PLCL1: variants seen among roughly 807,000 people sequenced by gnomAD.
PLCL1 encodes phospholipase C like 1 (inactive).
Under a neutral mutation model 84.4 loss-of-function variants are expected in PLCL1, and 41 were observed. That is an observed-to-expected ratio of 0.49 (90% CI 0.38 to 0.63). PLCL1 has a LOEUF of 0.63. Among genes scored for constraint, PLCL1 ranks in the 30% least tolerant of loss-of-function variants. PLCL1 has a pLI of 0.00. For missense variants in PLCL1, 1,206 were observed against 1,367.8 expected (o/e 0.88, Z 1.87); for synonymous variants, 490 against 488.3 (o/e 1.00, Z -0.05).
At chr2:198,123,867 A>G (rs1400495048) in intron 5 of PLCL1, among the ~76,000 whole-genome samples, 1 of 152,058 alleles carries the variant, frequency 6.6e-6, no homozygotes, top group African/African-American at 2.4e-5. Flanking sequence ...GAGGTGGAAC[A>G]GTTTCATCCT....
At chr2:197,818,344 A>G (rs1467076776) in intron 1 of PLCL1, among the ~76,000 whole-genome samples, 1 of 151,870 alleles carries the variant, frequency 6.6e-6, no homozygotes, top group Admixed American at 6.6e-5. Flanking sequence ...TACCTTCACT[A>G]TTTCTTTTGC....
At chr2:198,020,518 C>G (rs1691106647) in intron 1 of PLCL1, among the ~76,000 whole-genome samples, 1 of 149,028 alleles carries the variant, frequency 6.7e-6, no homozygotes, top group Admixed American at 6.7e-5. Context: ...ACACACATGG[C>G]TCAAAATAAA....
chr2:197,901,673 C>A (rs1264961391), intron 1 of PLCL1, among the ~76,000 whole-genome samples: 3 of 152,126 alleles, frequency 2.0e-5, no homozygotes, highest in Non-Finnish European at 4.4e-5. Flanking sequence ...AGATTCAGAG[C>A]AATTTGAAGT....
chr2:197,939,040 T>G (rs1689101471), intron 1 of PLCL1, among the ~76,000 whole-genome samples: 1 of 152,140 alleles, frequency 6.6e-6, no homozygotes, highest in Non-Finnish European at 1.5e-5. Flanking sequence ...TAACATACCT[T>G]CCATTAATGG....
intron 1 of PLCL1, among the ~76,000 whole-genome samples, chr2:197,997,690 T>A (rs1226882282): frequency 6.6e-6 from 1 of 152,122 alleles, no homozygotes; most frequent in Admixed American, 6.5e-5. Context: ...AAGTGATGCA[T>A]TATAGGTCTG....
intron 1 of PLCL1, among the ~76,000 whole-genome samples, chr2:198,003,266 G>T (rs1299662215): frequency 6.6e-6 from 1 of 152,092 alleles, no homozygotes; most frequent in Non-Finnish European, 1.5e-5. Flanking sequence ...AAAACAAGGG[G>T]CACTTCTTGC....
At chr2:198,043,877 T>C (rs1691724657) in intron 1 of PLCL1, among the ~76,000 whole-genome samples, 1 of 128,706 alleles carries the variant, frequency 7.8e-6, no homozygotes, top group Non-Finnish European at 1.7e-5. Flanking sequence ...ATTTAATTCT[T>C]GTTCTTTTTT....
rs1468117529 is a variant in PLCL1, at chr2:197,887,195, A to C, written c.240+81856A>C. 2.6e-5 allele frequency among the ~76,000 whole-genome samples: 4 copies of C among 152,134 alleles called. No individual in the cohort carries two copies. In the East Asian group the frequency reaches 7.7e-4, roughly 29 times the overall value. On this transcript the variant is annotated intron_variant, in intron 1 of 5. Coordinates refer to ENST00000428675, the MANE Select transcript of PLCL1 (RefSeq NM_006226.4). ...TCTCCATGTATATTTTTCATAGGCAAATGAGGAGTAAACTACAATATATTC... is the reference window on the plus strand; with the variant it reads ...TCTCCATGTATATTTTTCATAGGCACATGAGGAGTAAACTACAATATATTC...
At chr2:197,852,532 C>T (rs907886215) in intron 1 of PLCL1, among the ~76,000 whole-genome samples, 3 of 152,176 alleles carry the variant, frequency 2.0e-5, no homozygotes, top group Non-Finnish European at 4.4e-5. Flanking sequence ...GTGTAACTAT[C>T]TTTTACTATT....
intron 3 of PLCL1, among the ~76,000 whole-genome samples, chr2:198,091,624 G>A (rs1462929938): frequency 6.6e-6 from 1 of 151,594 alleles, no homozygotes; most frequent in Non-Finnish European, 1.5e-5. Flanking sequence ...AGGTTGCAGT[G>A]AGCCGAGACT....
intron 1 of PLCL1, among the ~76,000 whole-genome samples, chr2:197,944,427 C>T (rs1044764986): frequency 6.6e-6 from 1 of 152,110 alleles, no homozygotes; most frequent in Admixed American, 6.6e-5. Context: ...TCCTATGGCT[C>T]ACATTCTCTG....
At chr2:198,098,835 C>G (rs545895161) in intron 3 of PLCL1, among the ~76,000 whole-genome samples, 1 of 152,226 alleles carries the variant, frequency 6.6e-6, no homozygotes, top group African/African-American at 2.4e-5. Context: ...ACAATTTAAT[C>G]CATCTTTGAG....
At chr2:198,017,532 G>A (rs1304163492) in intron 1 of PLCL1, among the ~76,000 whole-genome samples, 4 of 152,164 alleles carry the variant, frequency 2.6e-5, no homozygotes, top group African/African-American at 4.8e-5. Context: ...TGTTCTCTTT[G>A]TATGTCTTAA....
intron 5 of PLCL1, among the ~76,000 whole-genome samples, chr2:198,131,579 G>A (rs940062246): frequency 6.6e-6 from 1 of 152,132 alleles, no homozygotes; most frequent in Non-Finnish European, 1.5e-5. Flanking sequence ...ACAGGAGTTA[G>A]GGACATTTCC....
intron 1 of PLCL1, among the ~76,000 whole-genome samples, chr2:197,901,889 G>T (rs1332935012): frequency 1.3e-5 from 2 of 152,108 alleles, no homozygotes. Context: ...GACTCCAAGT[G>T]TTCTTTCTTG....
rs1227382491 is a variant in PLCL1 at position 198,002,257 on chromosome 2, TTTGGCTTTTATGAATAG to T, written c.241-81499_241-81483del. Among the ~76,000 whole-genome samples the T allele has an allele frequency of 3.2e-4, 49 of 152,278 alleles. 1 individual carries two copies. The highest frequency in any genetic ancestry group is 1.6e-3 in the Admixed American group (24 of 15,296). ...ATGGGCTTGTGGGTTGTTTCTAATT[TTTGGCTTTTATGAATAG>T]TGCTGCCATGAACATTCTTACATGT... On this transcript the variant is annotated intron_variant, in intron 1 of 5. Transcript: ENST00000428675.
At chr2:198,081,659 A>G (rs918869174) in intron 1 of PLCL1, among the ~76,000 whole-genome samples, 3 of 152,236 alleles carry the variant, frequency 2.0e-5, no homozygotes, top group Non-Finnish European at 4.4e-5. Flanking sequence ...AAATTGGGTA[A>G]TTTATATCAT....
intron 1 of PLCL1, among the ~76,000 whole-genome samples, chr2:197,918,944 C>G: frequency 7.7e-6 from 1 of 130,632 alleles, no homozygotes; most frequent in Middle Eastern, 3.5e-3. Context: ...CTGTCTCTCT[C>G]TCTCTCTCTC....
intron 3 of PLCL1, among the ~76,000 whole-genome samples, chr2:198,098,894 A>ATT (rs907817408): frequency 6.6e-6 from 1 of 152,122 alleles, no homozygotes; most frequent in Non-Finnish European, 1.5e-5. Context: ...TAAAGACATA[A>ATT]TTTTACTCTT....
Sources: gnomAD v4.1 joint callset for allele counts (sites outside exome capture counted in the v4.1 genomes callset) on GRCh38, gnomAD v4.1.1 for gene constraint, MANE v1.5 for transcripts, NCBI Gene and HGNC (gene_info 2026-07-23, HGNC 2026-07-21) for gene names.